Variants in SMARCA2 observed in about 807,000 individuals in gnomAD.
The protein encoded by SMARCA2 is SWI/SNF related BAF chromatin remodeling complex subunit ATPase 2.
In SMARCA2, 61 loss-of-function variants were observed where a neutral mutation model predicts 199.8. The observed-to-expected ratio is 0.31, with a 90% CI of 0.25 to 0.38. SMARCA2 has a LOEUF of 0.38. Ranked by LOEUF, SMARCA2 falls within the 10% of genes least tolerant of loss-of-function variation. SMARCA2 has a pLI of 1.00. For missense variants in SMARCA2, 1,344 were observed against 2,012.2 expected (o/e 0.67, Z 6.35); for synonymous variants, 935 against 732.0 (o/e 1.28, Z -4.48).
chr9:2,057,343 C>T (rs989207639), intron 7 of SMARCA2, among the ~76,000 whole-genome samples: 5 of 152,204 alleles, frequency 3.3e-5, no homozygotes, highest in African/African-American at 1.2e-4. Flanking sequence ...CGTAAGGGCT[C>T]TACCCTCATG....
intron 23 of SMARCA2, among the ~76,000 whole-genome samples, chr9:2,109,821 C>G (rs1822917900): frequency 6.6e-6 from 1 of 152,080 alleles, no homozygotes; most frequent in Non-Finnish European, 1.5e-5. Context: ...AAAAAAAGTC[C>G]TTGCTTTAAT....
chr9:2,165,652 C>T (rs939542268), intron 28 of SMARCA2, among the ~76,000 whole-genome samples: 1 of 152,142 alleles, frequency 6.6e-6, no homozygotes, highest in Non-Finnish European at 1.5e-5. Flanking sequence ...AACTCATATT[C>T]TCAATTTATG....
At chr9:2,129,525 C>T (rs938935775) in intron 27 of SMARCA2, among the ~76,000 whole-genome samples, 4 of 152,200 alleles carry the variant, frequency 2.6e-5, no homozygotes, top group African/African-American at 9.6e-5. Context: ...AGTCCTCCAG[C>T]TCATCAGTGT....
At chr9:2,038,765 A>G (rs958215013) in intron 3 of SMARCA2, among the ~76,000 whole-genome samples, 1 of 152,102 alleles carries the variant, frequency 6.6e-6, no homozygotes, top group African/African-American at 2.4e-5. Context: ...TCAATCCTTA[A>G]ATAAGACTCT....
At chr9:2,026,226 G>A (rs564555909) in intron 1 of SMARCA2, among the ~76,000 whole-genome samples, 6 of 152,058 alleles carry the variant, frequency 3.9e-5, no homozygotes, top group Non-Finnish European at 7.4e-5. Context: ...TATGGCACAG[G>A]GTACATTTCT....
intron 27 of SMARCA2, among the ~76,000 whole-genome samples, chr9:2,124,340 A>G (rs1219051290): frequency 6.6e-6 from 1 of 152,176 alleles, no homozygotes; most frequent in African/African-American, 2.4e-5. Flanking sequence ...CCCTCATTTC[A>G]TGGTCTTTAA....
In SMARCA2 at chr9:2,039,998, C is replaced by G. The variant is rs968870270; in HGVS notation, c.790+98C>G. 6.5e-7 allele frequency: 1 copy of G among 1,549,534 alleles called. No individual in the cohort carries two copies. The highest frequency in any genetic ancestry group is 8.7e-7 in the Non-Finnish European group (1 of 1,151,816). On this transcript the variant is annotated intron_variant, in intron 4 of 33. Transcript: ENST00000349721. The surrounding 1 kb of genome is among the most constrained non-coding windows in gnomAD (Gnocchi z 4.8). ...CGGGTTGTTAAAAGCCCGGGGCTGA[C>G]GTAGCCTTTTGTTATACCTCACTGG...
Position 2,039,818 on chromosome 9 carries a change from A to ACAGCAGCCGCAG in SMARCA2, c.719_730dup (p.Gln240_Pro243dup), listed in dbSNP as rs1554615557. On this transcript the variant is annotated inframe_insertion, in exon 4 of 34. Coordinates refer to ENST00000349721, the MANE Select transcript of SMARCA2 (RefSeq NM_003070.5). This position sits in a 1 kb window ranked among gnomAD's most constrained non-coding sequence, Gnocchi z 4.8. ...AGCAGCAGCAGCAGCAGCAGCAGCAACAGCAGCCGCAGCAGCAGCCGCCGC... is the reference window on the plus strand; with the variant it reads ...AGCAGCAGCAGCAGCAGCAGCAGCAACAGCAGCCGCAGCAGCAGCCGCAGCAGCAGCCGCCGC... The ACAGCAGCCGCAG allele has an allele frequency of 1.3e-6, 2 of 1,586,184 alleles. No individual in the cohort carries two copies. The highest frequency in any genetic ancestry group is 1.4e-5 in the African/African-American group (1 of 70,200).
Position 2,119,305 on chromosome 9 carries a change from AAT to A in SMARCA2, c.3685-151_3685-150del, listed in dbSNP as rs1823347743. 6.6e-6 allele frequency among the ~76,000 whole-genome samples: 1 copy of A among 152,178 alleles called. No homozygotes were observed. The stretch of plus-strand genomic sequence containing the variant: ...GGAAGATGGTTTTAATAGCTTGTAA[AAT>A]AGTAACGTCAAGGACTAAATCCAGC... On this transcript the variant is annotated intron_variant, in intron 25 of 33. Transcript: ENST00000349721. This position sits in a 1 kb window ranked among gnomAD's most constrained non-coding sequence, Gnocchi z 4.6.
At position 2,104,486 on chromosome 9, in the gene SMARCA2, C is replaced by T. The variant is rs538280996; in HGVS notation, c.3292+317C>T. Among the ~76,000 whole-genome samples the T allele has an allele frequency of 2.6e-5, 4 of 152,138 alleles. No homozygotes were observed. In the East Asian group the frequency reaches 5.8e-4, roughly 22 times the overall value. ...TGCTCTTAAAATTGTTACCTATGTGCCAAAGATATAGAATACATTGACACA... is the reference window on the plus strand; with the variant it reads ...TGCTCTTAAAATTGTTACCTATGTGTCAAAGATATAGAATACATTGACACA... On this transcript the variant is annotated intron_variant, in intron 23 of 33. Transcript: ENST00000349721. This position sits in a 1 kb window ranked among gnomAD's most constrained non-coding sequence, Gnocchi z 4.0.
intron 22 of SMARCA2, among the ~76,000 whole-genome samples, chr9:2,102,079 G>A (rs1189274711): frequency 6.6e-6 from 1 of 151,996 alleles, no homozygotes; most frequent in Non-Finnish European, 1.5e-5. Context: ...AGCAATGGAT[G>A]TTAAAGAGAA....
At position 2,169,694 on chromosome 9, in the gene SMARCA2, T is replaced by C. The variant is rs1378602009; in HGVS notation, c.4200-725T>C. ...AGGGAGATCTAGAGGGTATGGAGGG[T>C]CTTCCCAGGATCTGTGAAACCTGGC... On this transcript the variant is annotated intron_variant, in intron 28 of 33. Transcript: ENST00000349721. The surrounding 1 kb of genome is among the most constrained non-coding windows in gnomAD (Gnocchi z 6.5). Among the ~76,000 whole-genome samples, 1 of 151,728 alleles carries C rather than the reference T, an allele frequency of 6.6e-6. No homozygotes were observed. Among genetic ancestry groups the C allele is most frequent in the Non-Finnish European group, 1.5e-5 (1 of 67,948 alleles).
rs1819915810 is a variant in SMARCA2 at position 2,047,475 on chromosome 9, G to A, written c.1037G>A (p.Arg346Gln). 6.6e-7 allele frequency: 1 copy of A among 1,514,328 alleles called. No homozygotes were observed. Among genetic ancestry groups the A allele is most frequent in the Non-Finnish European group, 8.8e-7 (1 of 1,130,388 alleles). The allele number at this position is 1,514,328 out of a possible 1,614,324, so 93.8% of individuals were successfully genotyped here. Reference protein sequence around the residue: ...GLDPVEILQEREYRLQARIAH... With the variant: ...GLDPVEILQEQEYRLQARIAH... ...GACCCCGTGGAAATTCTGCAAGAGC[G>A]GGAATACAGGTAACGCACCCCGCCA... The change falls in exon 5 of 34, where the codon CGG becomes CAG. Residue 346 changes from arginine to glutamine, a missense_variant. Transcript: ENST00000349721.
At chr9:2,112,051 A>G (rs1288273942) in intron 24 of SMARCA2, among the ~76,000 whole-genome samples, 1 of 152,222 alleles carries the variant, frequency 6.6e-6, no homozygotes, top group Non-Finnish European at 1.5e-5. Context: ...TTTCATTCCA[A>G]GGCTCAGGTA....
chr9:2,100,833 A>T lies in SMARCA2; in HGVS notation c.3079-737A>T, dbSNP rs534591819. ...CCAGTTTGATGCTGCTGATAAAGAC[A>T]TACCTGAGACTGGGTAATTTGTAAG... is the stretch of plus-strand genomic sequence containing the variant. On this transcript the variant is annotated intron_variant, in intron 21 of 33. Coordinates refer to ENST00000349721, the MANE Select transcript of SMARCA2 (RefSeq NM_003070.5). 1.4e-4 allele frequency among the ~76,000 whole-genome samples: 22 copies of T among 152,316 alleles called. No homozygotes were observed. In the South Asian group the frequency reaches 3.9e-3, roughly 27 times the overall value.
chr9:2,144,908 C>T (rs1274892052), intron 27 of SMARCA2, among the ~76,000 whole-genome samples: 1 of 151,938 alleles, frequency 6.6e-6, no homozygotes, highest in East Asian at 1.9e-4. Context: ...GGGTAATTGC[C>T]CACATTTGAC....
intron 14 of SMARCA2, among the ~76,000 whole-genome samples, chr9:2,078,688 T>C (rs1450160040): frequency 6.6e-6 from 1 of 152,146 alleles, no homozygotes; most frequent in Non-Finnish European, 1.5e-5. Flanking sequence ...CTCACGCCTG[T>C]AATCCCAGCA....
chr9:2,092,927 T>C (rs1303869285), intron 19 of SMARCA2, among the ~76,000 whole-genome samples: 1 of 152,054 alleles, frequency 6.6e-6, no homozygotes, highest in Non-Finnish European at 1.5e-5. Flanking sequence ...CTCAACCGAG[T>C]TGGAGTTGGC....
chr9:2,076,462 G>C (rs1175457748), intron 13 of SMARCA2, 133 bp downstream of exon 13: 2 of 624,032 alleles, frequency 3.2e-6, no homozygotes, highest in Middle Eastern at 3.0e-4. Context: ...TGCTCCTAGA[G>C]GTCACCACTG....
Sources: gnomAD v4.1 joint callset for allele counts (sites outside exome capture counted in the v4.1 genomes callset) on GRCh38, gnomAD v4.1.1 for gene constraint, Gnocchi (gnomAD v3.1) non-coding constraint, MANE v1.5 for transcripts, NCBI Gene and HGNC (gene_info 2026-07-23, HGNC 2026-07-21) for gene names.